The following RANBP2 variants were observed in gnomAD, a reference collection of about 807,000 sequenced individuals.
RANBP2 encodes E3 SUMO-protein ligase RanBP2.
A neutral mutation model predicts 303.6 loss-of-function variants in RANBP2; 57 were observed. That is an observed-to-expected ratio of 0.19 (90% CI 0.15 to 0.23). The LOEUF (loss-of-function observed/expected upper bound fraction) is 0.23. Ranked by LOEUF, RANBP2 falls within the 10% of genes least tolerant of loss-of-function variation. RANBP2 has a pLI of 1.00. For synonymous variants in RANBP2, 1,167 were observed against 1,301.5 expected, an observed-to-expected ratio of 0.90 and a Z score of 2.23; for missense variants, 3,138 against 3,780.8, an observed-to-expected ratio of 0.83 and a Z score of 4.46.
At chr2:109,235,463 C>A in the RANBP2 span, among the ~76,000 whole-genome samples, 1 of 152,128 alleles carries the variant, frequency 6.6e-6, no homozygotes, top group Admixed American at 6.5e-5. Context: ...GAGCAAGGGG[C>A]CCTATTAACC....
chr2:109,279,977 T>G, the RANBP2 span, among the ~76,000 whole-genome samples: 1 of 152,088 alleles, frequency 6.6e-6, no homozygotes, highest in East Asian at 1.9e-4. Context: ...ACACACCCCC[T>G]GGGCCACGGT....
chr2:109,335,505 A>C, the RANBP2 span, among the ~76,000 whole-genome samples: 2 of 152,138 alleles, frequency 1.3e-5, no homozygotes, highest in Non-Finnish European at 2.9e-5. Context: ...CGTGTCCCTC[A>C]GTTACCTTCT....
the RANBP2 span, among the ~76,000 whole-genome samples, chr2:108,909,682 G>A: frequency 0.5 from 76,142 of 152,146 alleles, 23,444 homozygotes; most frequent in East Asian, 0.89. Flanking sequence ...TGGAAGCTAC[G>A]CAGGACCAAG....
chr2:109,495,100 C>T, the RANBP2 span, among the ~76,000 whole-genome samples: 2 of 152,208 alleles, frequency 1.3e-5, no homozygotes, highest in Non-Finnish European at 2.9e-5. Context: ...GGCCATGCCC[C>T]GTTCCTTCCA....
chr2:108,750,237 T>C (rs1330948935), intron 9 of RANBP2, among the ~76,000 whole-genome samples: 1 of 152,282 alleles, frequency 6.6e-6, no homozygotes, highest in African/African-American at 2.4e-5. Context: ...TTTATCTTGC[T>C]TCCTTCATGA....
At chr2:108,979,961 A>G in the RANBP2 span, among the ~76,000 whole-genome samples, 5 of 150,534 alleles carry the variant, frequency 3.3e-5, no homozygotes, top group Non-Finnish European at 7.4e-5. Flanking sequence ...GAGGTGTGCA[A>G]GTGAGTCTCC....
the RANBP2 span, among the ~76,000 whole-genome samples, chr2:109,368,167 T>C: frequency 6.6e-6 from 1 of 152,240 alleles, no homozygotes; most frequent in Non-Finnish European, 1.5e-5. Context: ...CTTTCCACTG[T>C]TTTTTTAAGT....
At chr2:109,411,264 G>A in the RANBP2 span, among the ~76,000 whole-genome samples, 2 of 152,234 alleles carry the variant, frequency 1.3e-5, no homozygotes, top group Admixed American at 6.5e-5. Flanking sequence ...GATGCTGGCC[G>A]TGTGGAAGTC....
chr2:109,350,553 C>T, the RANBP2 span, among the ~76,000 whole-genome samples: 2 of 152,234 alleles, frequency 1.3e-5, no homozygotes, highest in Non-Finnish European at 2.9e-5. Context: ...TTGGCCACCC[C>T]TGCTACCTGT....
At chr2:109,003,149 T>G in the RANBP2 span, among the ~76,000 whole-genome samples, 1 of 129,590 alleles carries the variant, frequency 7.7e-6, no homozygotes, top group Non-Finnish European at 1.5e-5. Context: ...GAGGTTGCAG[T>G]AAGCTGAGAT....
the RANBP2 span, among the ~76,000 whole-genome samples, chr2:109,033,278 C>T: frequency 6.6e-6 from 1 of 152,150 alleles, no homozygotes; most frequent in South Asian, 2.1e-4. Context: ...TCCACGACTC[C>T]TTTTGTGAAA....
At chr2:109,267,996 A>G in the RANBP2 span, among the ~76,000 whole-genome samples, 8 of 151,942 alleles carry the variant, frequency 5.3e-5, no homozygotes, top group African/African-American at 1.7e-4. Context: ...GGTGAAACGG[A>G]CATCCCCACT....
At chr2:109,437,540 G>T in the RANBP2 span, among the ~76,000 whole-genome samples, 1 of 152,176 alleles carries the variant, frequency 6.6e-6, no homozygotes, top group African/African-American at 2.4e-5. Context: ...CCCCATGAAT[G>T]ATTGTGGGCC....
chr2:109,216,010 A>G, the RANBP2 span, among the ~76,000 whole-genome samples: 2 of 152,160 alleles, frequency 1.3e-5, no homozygotes, highest in African/African-American at 4.8e-5. Flanking sequence ...TCCCATGGCC[A>G]TGACTGCACC....
the RANBP2 span, among the ~76,000 whole-genome samples, chr2:109,239,324 G>A: frequency 2.0e-5 from 3 of 152,098 alleles, no homozygotes; most frequent in African/African-American, 7.2e-5. Flanking sequence ...GGGGCTATAG[G>A]AGTATTTTTG....
At chr2:109,743,095 AC>A in the RANBP2 span, among the ~76,000 whole-genome samples, 1 of 147,340 alleles carries the variant, frequency 6.8e-6, no homozygotes, top group East Asian at 1.9e-4. Context: ...ACATAGAGAG[AC>A]CCCCTGTCTA....
chr2:109,211,720 C>G, the RANBP2 span, among the ~76,000 whole-genome samples: 3 of 151,256 alleles, frequency 2.0e-5, no homozygotes, highest in Non-Finnish European at 4.4e-5. Flanking sequence ...TCTTGGCTCA[C>G]TTCAACCTCC....
the RANBP2 span, among the ~76,000 whole-genome samples, chr2:109,154,081 G>A: frequency 6.6e-5 from 10 of 152,216 alleles, no homozygotes; most frequent in Non-Finnish European, 1.2e-4. Flanking sequence ...TATGAACACT[G>A]TCAATATGCT....
At chr2:108,836,685 A>G in the RANBP2 span, among the ~76,000 whole-genome samples, 1 of 152,214 alleles carries the variant, frequency 6.6e-6, no homozygotes, top group Non-Finnish European at 1.5e-5. Flanking sequence ...CATGTTTTCT[A>G]ACCCATGAAC....
Sources: gnomAD v4.1 joint callset for allele counts (sites outside exome capture counted in the v4.1 genomes callset) on GRCh38, gnomAD v4.1.1 for gene constraint, MANE v1.5 for transcripts, NCBI Gene and HGNC (gene_info 2026-07-23, HGNC 2026-07-21) for gene names.